Variants in SLC24A2 observed in about 807,000 individuals in gnomAD.
SLC24A2 encodes the protein sodium/potassium/calcium exchanger 2.
In SLC24A2, 36 loss-of-function variants were observed where a neutral mutation model predicts 62.0. That is an observed-to-expected ratio of 0.58 (90% confidence interval 0.44 to 0.77). The LOEUF (loss-of-function observed/expected upper bound fraction) is 0.77. SLC24A2 is among the 30% of genes least tolerant of loss of function. The pLI is 0.00. For missense variants in SLC24A2, 846 were observed against 817.9 expected, an observed-to-expected ratio of 1.03 and a Z score of -0.42; for synonymous variants, 358 against 294.0, an observed-to-expected ratio of 1.22 and a Z score of -2.23.
chr9:19,984,320 C>T, the SLC24A2 span, among the ~76,000 whole-genome samples: 1 of 152,204 alleles, frequency 6.6e-6, no homozygotes, highest in Non-Finnish European at 1.5e-5. Flanking sequence ...GGAGGACTCA[C>T]ACTTCCTGAT....
rs956040741 is a variant in SLC24A2, at chr9:19,516,140, A to G, written c.*13T>C. ...ACCATTCATGCTGCTGGTGCAAGAT[A>G]TGGCTTTTCCTGCTAGATGGAGACG... On this transcript the variant is annotated 3_prime_UTR_variant, in exon 11 of 11. Coordinates refer to ENST00000341998, the MANE Select transcript of SLC24A2 (RefSeq NM_020344.4). 1.2e-6 allele frequency: 2 copies of G among 1,614,048 alleles called. No homozygotes were observed. Among genetic ancestry groups the G allele is most frequent in the Non-Finnish European group, 1.7e-6 (2 of 1,179,968 alleles).
At chr9:19,877,785 G>A in the SLC24A2 span, among the ~76,000 whole-genome samples, 14 of 152,054 alleles carry the variant, frequency 9.2e-5, no homozygotes, top group Non-Finnish European at 1.0e-4. Context: ...GATATTAAAG[G>A]GAACAGTGAA....
chr9:20,052,294 C>T, the SLC24A2 span, among the ~76,000 whole-genome samples: 1 of 152,198 alleles, frequency 6.6e-6, no homozygotes, highest in African/African-American at 2.4e-5. Flanking sequence ...CATGGCCTTT[C>T]TCCCCCAACT....
At chr9:20,233,355 G>T in the SLC24A2 span, among the ~76,000 whole-genome samples, 1 of 152,090 alleles carries the variant, frequency 6.6e-6, no homozygotes, top group African/African-American at 2.4e-5. Context: ...TATTGTGTGG[G>T]AGTCTAAGTC....
At chr9:20,302,538 G>T in the SLC24A2 span, among the ~76,000 whole-genome samples, 1 of 152,130 alleles carries the variant, frequency 6.6e-6, no homozygotes, top group African/African-American at 2.4e-5. Context: ...ATGTGGTGAG[G>T]TGTCTGTTGA....
chr9:20,194,667 G>T, the SLC24A2 span, among the ~76,000 whole-genome samples: 10 of 151,920 alleles, frequency 6.6e-5, no homozygotes, highest in Non-Finnish European at 1.0e-4. Context: ...TTTTCTGCAG[G>T]CTTTAGTTTC....
intron 2 of SLC24A2, among the ~76,000 whole-genome samples, chr9:19,765,869 T>C (rs2383120): frequency 0.7 from 105,723 of 152,074 alleles, 36,984 homozygotes; most frequent in Admixed American, 0.73. Context: ...GAAGTTCTCC[T>C]GGATAATATC....
the SLC24A2 span, among the ~76,000 whole-genome samples, chr9:20,198,180 C>A: frequency 6.6e-6 from 1 of 152,084 alleles, no homozygotes; most frequent in African/African-American, 2.4e-5. Flanking sequence ...AGGTCATCAG[C>A]ACAATTTGGG....
chr9:20,242,969 C>T, the SLC24A2 span, among the ~76,000 whole-genome samples: 25 of 152,240 alleles, frequency 1.6e-4, no homozygotes, highest in East Asian at 4.4e-3. Context: ...ACTTGCAAAA[C>T]GAAAAGTTTC....
chr9:19,788,663 C>G (rs926113525), intron 1 of SLC24A2: 5 of 985,242 alleles, frequency 5.1e-6, no homozygotes, highest in Non-Finnish European at 6.0e-6. Context: ...CCCCACGCCC[C>G]CCATCCCAAG....
At chr9:19,559,071 G>C (rs1835263033) in intron 7 of SLC24A2, among the ~76,000 whole-genome samples, 1 of 152,060 alleles carries the variant, frequency 6.6e-6, no homozygotes, top group South Asian at 2.1e-4. Flanking sequence ...AAATTAACTA[G>C]GATAATCCAG....
the SLC24A2 span, among the ~76,000 whole-genome samples, chr9:19,807,942 G>A: frequency 2.6e-5 from 4 of 152,190 alleles, no homozygotes; most frequent in Non-Finnish European, 5.9e-5. Flanking sequence ...TAAGGTATAA[G>A]TCATCCCTTC....
the SLC24A2 span, among the ~76,000 whole-genome samples, chr9:20,306,371 A>G: frequency 6.6e-6 from 1 of 152,252 alleles, no homozygotes; most frequent in South Asian, 2.1e-4. Flanking sequence ...AAGCAAAGCA[A>G]TTGATTTGTC....
At chr9:20,257,211 G>T in the SLC24A2 span, among the ~76,000 whole-genome samples, 1 of 152,066 alleles carries the variant, frequency 6.6e-6, no homozygotes, top group Non-Finnish European at 1.5e-5. Flanking sequence ...CAGCCAGACT[G>T]GTTTGATCCC....
chr9:19,695,029 C>T (rs906083702), intron 2 of SLC24A2, among the ~76,000 whole-genome samples: 7 of 146,980 alleles, frequency 4.8e-5, no homozygotes, highest in African/African-American at 1.2e-4. Context: ...ATAAAAAGGC[C>T]GGCCAGCCAT....
At chr9:20,159,399 G>A in the SLC24A2 span, among the ~76,000 whole-genome samples, 294 of 151,608 alleles carry the variant, frequency 1.9e-3, 1 homozygote, top group Non-Finnish European at 3.3e-3. Flanking sequence ...TAACATCTAA[G>A]ATTTTTTTAC....
chr9:19,740,449 C>T (rs991320267), intron 2 of SLC24A2, among the ~76,000 whole-genome samples: 8 of 152,228 alleles, frequency 5.3e-5, no homozygotes, highest in Admixed American at 2.6e-4. Context: ...TTACCAACAA[C>T]GTTAGATAAA....
At chr9:20,087,767 A>G in the SLC24A2 span, among the ~76,000 whole-genome samples, 2 of 152,184 alleles carry the variant, frequency 1.3e-5, no homozygotes, top group Non-Finnish European at 2.9e-5. Flanking sequence ...AGTAAGTACA[A>G]CACCTTCAGC....
the SLC24A2 span, among the ~76,000 whole-genome samples, chr9:19,908,830 C>T: frequency 2.6e-5 from 4 of 152,218 alleles, no homozygotes; most frequent in Non-Finnish European, 5.9e-5. Flanking sequence ...AGTCAGGAAA[C>T]AACAGGTGCT....
Sources: allele counts gnomAD v4.1 joint callset (sites outside exome capture counted in the v4.1 genomes callset), GRCh38; gene constraint gnomAD v4.1.1; transcripts MANE v1.5; gene names NCBI Gene and HGNC (gene_info 2026-07-23, HGNC 2026-07-21).